The following PRRC2C variants were observed in gnomAD, a reference collection of about 807,000 sequenced individuals.
PRRC2C encodes the protein protein PRRC2C.
PRRC2C carries 72 observed loss-of-function variants against 317.2 expected under a neutral mutation model. That is an observed-to-expected ratio of 0.23 (90% CI 0.19 to 0.28). The LOEUF (loss-of-function observed/expected upper bound fraction) is 0.28. Among genes scored for constraint, PRRC2C ranks in the 10% least tolerant of loss-of-function variants. The pLI is 1.00. For missense variants in PRRC2C, 3,074 were observed against 3,459.7 expected (o/e 0.89, Z 2.80); for synonymous variants, 1,296 against 1,205.9 (o/e 1.07, Z -1.55).
Position 171,571,323 on chromosome 1 carries a change from C to G in PRRC2C, c.6655C>G (p.Pro2219Ala). 6.3e-7 allele frequency: 1 copy of G among 1,595,704 alleles called. No individual in the cohort carries two copies. Among genetic ancestry groups the G allele is most frequent in the Non-Finnish European group, 8.6e-7 (1 of 1,163,784 alleles). Residue 2219 changes from proline (P) to alanine (A), a missense_variant, in exon 24 of 35, where the codon CCC becomes GCC. This residue lies in a region of PRRC2C where 640 missense variants were observed against 676.1 expected (regional missense o/e 0.95). Coordinates refer to ENST00000647382, the MANE Select transcript of PRRC2C (RefSeq NM_001387844.1). The part of the protein sequence containing the change: ...KMEDTLVNNV[P>A]LPNTLPLPKR... The stretch of plus-strand genomic sequence containing the variant: ...TATGTGTTGCCTACCTTTTCAGGTG[C>G]CCCTGCCCAACACCCTTCCCCTCCC...
intron 1 of PRRC2C, among the ~76,000 whole-genome samples, chr1:171,487,156 T>G (rs1196051206): frequency 6.6e-6 from 1 of 152,216 alleles, no homozygotes; most frequent in Non-Finnish European, 1.5e-5. Flanking sequence ...AGCACAGTAA[T>G]AAGTCCTTTT....
rs138118931 is a variant in PRRC2C, at chr1:171,524,847, A to G, written c.1082A>G (p.Glu361Gly). Residue 361 changes from glutamate (E) to glycine (G), a missense_variant, in exon 10 of 35, where the codon GAA becomes GGA. Physicochemically the swap from Glu to Gly is moderately conservative, Grantham distance 98. This residue lies in a region of PRRC2C where 1,320 missense variants were observed against 1,395.7 expected (regional missense o/e 0.95). Coordinates refer to ENST00000647382, the MANE Select transcript of PRRC2C (RefSeq NM_001387844.1). ...NSEDQGSKASENNENKKETDE... is the reference protein window; with the variant it reads ...NSEDQGSKASGNNENKKETDE... Reference sequence around the variant, plus strand: ...GAGGATCAAGGTTCAAAAGCCTCTGAAAACAACGAAAACAAAAAAGAAACA... The same window carrying G: ...GAGGATCAAGGTTCAAAAGCCTCTGGAAACAACGAAAACAAAAAAGAAACA... The G allele has an allele frequency of 3.8e-6, 6 of 1,580,418 alleles. No individual in the cohort carries two copies. The highest frequency in any genetic ancestry group is 4.3e-6 in the Non-Finnish European group (5 of 1,161,650).
intron 16 of PRRC2C, among the ~76,000 whole-genome samples, chr1:171,544,286 G>T (rs891507699): frequency 3.3e-5 from 5 of 152,062 alleles, no homozygotes; most frequent in African/African-American, 1.2e-4. Context: ...ACCATGCCCG[G>T]CTAATTTTTG....
chr1:171,561,985 C>T (rs932548493), intron 20 of PRRC2C, among the ~76,000 whole-genome samples: 1 of 152,088 alleles, frequency 6.6e-6, no homozygotes, highest in African/African-American at 2.4e-5. Context: ...TTCCATTGTC[C>T]TGTGAGGAGA....
At position 171,515,797 on chromosome 1, in the gene PRRC2C, A is replaced by G; in HGVS notation, c.464A>G (p.Glu155Gly). 1 of 1,610,804 alleles carries G rather than the reference A, an allele frequency of 6.2e-7. No homozygotes were observed. ...FPSLQAAGDQ[E>G]KKEKETNDDN... Reference sequence around the variant, plus strand: ...AGCCTGCAGGCAGCTGGGGATCAGGAAAAAAAAGAAAAGGAAACAAATGAT... The same window carrying G: ...AGCCTGCAGGCAGCTGGGGATCAGGGAAAAAAAGAAAAGGAAACAAATGAT... Residue 155 changes from glutamate to glycine, a missense_variant, in exon 5 of 35, where the codon GAA becomes GGA. Glu to Gly is a moderately conservative substitution (Grantham distance 98). Transcript: ENST00000647382.
chr1:171,584,234 C>G (rs756509395), intron 29 of PRRC2C, 47 bp downstream of exon 29: 3 of 1,474,878 alleles, frequency 2.0e-6, no homozygotes, highest in Non-Finnish European at 2.8e-6. Flanking sequence ...ATTCCTATGC[C>G]ACAGATCATT....
chr1:171,582,032 T>TTTGC (rs1330221797), intron 28 of PRRC2C, among the ~76,000 whole-genome samples: 1 of 147,710 alleles, frequency 6.8e-6, no homozygotes, highest in East Asian at 1.9e-4. Context: ...TGTTTGTTTG[T>TTTGC]TTGCTTGCTT....
rs1436053865 is a variant in PRRC2C at position 171,592,948 on chromosome 1, A to G, written c.*1101A>G. The G allele has an allele frequency of 6.6e-6, 1 of 152,104 alleles. No homozygotes were observed. 9.4% of individuals were successfully genotyped at this position (152,104 alleles called of 1,614,324 possible). On this transcript the variant is annotated 3_prime_UTR_variant, in exon 35 of 35. Transcript: ENST00000647382. ...TATCATACCTCTGTGAATGTAAAAT[A>G]TCTTGTACCTGCTTTATGATACGTA...
At chr1:171,536,664 C>T (rs577379045) in intron 14 of PRRC2C, among the ~76,000 whole-genome samples, 88 of 152,126 alleles carry the variant, frequency 5.8e-4, no homozygotes, top group African/African-American at 2.1e-3. Flanking sequence ...ACTTGAATTT[C>T]CTTTTAGGTT....
chr1:171,507,131 T>C (rs1670404096), intron 1 of PRRC2C, among the ~76,000 whole-genome samples: 1 of 152,154 alleles, frequency 6.6e-6, no homozygotes, highest in Non-Finnish European at 1.5e-5. Flanking sequence ...TGGTGACACA[T>C]GCCTGTAATC....
At chr1:171,564,679 C>G (rs1158992428) in intron 20 of PRRC2C, among the ~76,000 whole-genome samples, 1 of 152,186 alleles carries the variant, frequency 6.6e-6, no homozygotes, top group Non-Finnish European at 1.5e-5. Flanking sequence ...GGCTACAAAC[C>G]TATACAGCTT....
At position 171,512,950 on chromosome 1, in the gene PRRC2C, T is replaced by C. The variant is rs749248467; in HGVS notation, c.113-45T>C. 11 of 1,511,226 alleles carry C rather than the reference T, an allele frequency of 7.3e-6. No individual in the cohort carries two copies. In the Admixed American group the frequency reaches 8.2e-5, roughly 11 times the overall value. The allele number at this position is 1,511,226 out of a possible 1,614,324, so 93.6% of individuals were successfully genotyped here. On this transcript the variant is annotated intron_variant, in intron 2 of 34. Coordinates refer to ENST00000647382, the MANE Select transcript of PRRC2C (RefSeq NM_001387844.1). The stretch of plus-strand genomic sequence containing the variant: ...TATATTGTTTGAGGAATAAAATGGG[T>C]AATAAAATAGATGTTCTAAGAAAGT...
intron 18 of PRRC2C, among the ~76,000 whole-genome samples, chr1:171,553,472 T>C (rs907112089): frequency 2.6e-5 from 4 of 152,158 alleles, no homozygotes; most frequent in African/African-American, 9.7e-5. Flanking sequence ...TCTCCTTCAG[T>C]TCTGCTCTGA....
At chr1:171,508,609 G>T (rs1670702389) in intron 1 of PRRC2C, among the ~76,000 whole-genome samples, 1 of 152,184 alleles carries the variant, frequency 6.6e-6, no homozygotes, top group Non-Finnish European at 1.5e-5. Flanking sequence ...AGTTAAATCG[G>T]ATGTTCTATA....
At chr1:171,559,596 A>G (rs533819168) in intron 19 of PRRC2C, among the ~76,000 whole-genome samples, 1 of 131,116 alleles carries the variant, frequency 7.6e-6, no homozygotes, top group Non-Finnish European at 1.5e-5. Context: ...ATCTCAGCTC[A>G]CTGCAACCTC....
At chr1:171,493,796 T>A (rs1049991036) in intron 1 of PRRC2C, among the ~76,000 whole-genome samples, 1 of 152,068 alleles carries the variant, frequency 6.6e-6, no homozygotes, top group African/African-American at 2.4e-5. Context: ...AGAGCAAGAC[T>A]CTGTCTCAAA....
intron 6 of PRRC2C, among the ~76,000 whole-genome samples, chr1:171,520,641 A>G (rs1410342761): frequency 6.6e-6 from 1 of 152,148 alleles, no homozygotes; most frequent in African/African-American, 2.4e-5. Context: ...AGCTATGAAC[A>G]TATGCCTCCA....
intron 25 of PRRC2C, among the ~76,000 whole-genome samples, chr1:171,576,414 A>G (rs900304587): frequency 6.6e-5 from 10 of 152,196 alleles, no homozygotes; most frequent in African/African-American, 1.2e-4. Context: ...GGATAGAAGC[A>G]CTTGAATTTT....
chr1:171,538,787 C>G (rs1172687373), intron 15 of PRRC2C, among the ~76,000 whole-genome samples: 1 of 152,188 alleles, frequency 6.6e-6, no homozygotes, highest in East Asian at 1.9e-4. Context: ...TCACAGCTCA[C>G]TGCAGCCTTG....
Sources: allele counts gnomAD v4.1 joint callset (sites outside exome capture counted in the v4.1 genomes callset), GRCh38; gene constraint gnomAD v4.1.1; regional missense constraint gnomAD v4.1.1; transcripts MANE v1.5; gene names NCBI Gene and HGNC (gene_info 2026-07-23, HGNC 2026-07-21).